The following SLC9A8 variants were observed in gnomAD, a reference collection of about 807,000 sequenced individuals.
SLC9A8 encodes solute carrier family 9 member A8.
A neutral mutation model predicts 66.6 loss-of-function variants in SLC9A8; 48 were observed. The observed-to-expected ratio is 0.72, with a 90% confidence interval of 0.57 to 0.92. The LOEUF is 0.92. Among genes scored for constraint, SLC9A8 ranks in the 40% least tolerant of loss-of-function variants. The pLI is 0.00. For synonymous variants in SLC9A8, 274 were observed against 282.6 expected, an observed-to-expected ratio of 0.97 and a Z score of 0.31; for missense variants, 599 against 747.3, an observed-to-expected ratio of 0.80 and a Z score of 2.31.
rs114917590 is a variant in SLC9A8, at chr20:49,838,696, G to A, written c.290-845G>A. 7.5e-3 allele frequency among the ~76,000 whole-genome samples: 1,143 copies of A among 152,238 alleles called. 13 individuals carry two copies. The highest frequency in any genetic ancestry group is 0.026 in the African/African-American group (1,088 of 41,520). ...ATGGCGAAAGCTCCTTCCTCCATGG[G>A]AAAGTGAAGTCTTCGTTTTGAAGCA... On this transcript the variant is annotated intron_variant, in intron 3 of 15. Transcript: ENST00000361573.
rs1271704459 is a variant in SLC9A8, at chr20:49,816,016, CCTCTGT to C, written c.208+829_208+834del. On this transcript the variant is annotated intron_variant, in intron 2 of 15. Coordinates refer to ENST00000361573, the MANE Select transcript of SLC9A8 (RefSeq NM_015266.3). ...TGCCCCAGCACCCTGTTTTCCTTAA[CCTCTGT>C]CATTCTCATTAACCATGGTCATGAC... is the stretch of plus-strand genomic sequence containing the variant. 3.8e-4 allele frequency among the ~76,000 whole-genome samples: 58 copies of C among 152,322 alleles called. No individual in the cohort carries two copies. In the South Asian group the frequency reaches 9.9e-3, roughly 26 times the overall value.
chr20:49,873,539 A>C (rs980174910), intron 10 of SLC9A8, among the ~76,000 whole-genome samples: 89 of 151,096 alleles, frequency 5.9e-4, no homozygotes, highest in African/African-American at 2.1e-3. Context: ...TAATCCCAGC[A>C]CATTGGCACA....
At chr20:49,823,025 T>C in intron 2 of SLC9A8, 36 bp from the exon 3 acceptor site, 4 of 1,560,586 alleles carry the variant, frequency 2.6e-6, no homozygotes, top group Non-Finnish European at 3.5e-6. Flanking sequence ...AATTGAGTGT[T>C]TTTTTTAAAA....
chr20:49,866,192 C>T (rs567380654), intron 10 of SLC9A8, among the ~76,000 whole-genome samples: 44 of 152,298 alleles, frequency 2.9e-4, no homozygotes, highest in African/African-American at 7.9e-4. Context: ...TCATGTGGTA[C>T]GTAGTCTTTT....
At chr20:49,812,984 G>A in intron 1 of SLC9A8, 36 bp downstream of exon 1, 2 of 1,380,534 alleles carry the variant, frequency 1.4e-6, no homozygotes, top group South Asian at 3.1e-5. Context: ...GGAGGCGGCG[G>A]GGCTGGGCCC....
At position 49,887,034 on chromosome 20, in the gene SLC9A8, C is replaced by A. The variant is rs1407480756; in HGVS notation, c.1638+136C>A. On this transcript the variant is annotated intron_variant, in intron 15 of 15. Coordinates refer to ENST00000361573, the MANE Select transcript of SLC9A8 (RefSeq NM_015266.3). ...GTGGGCCCGCCAGGCCGCCGCCTCC[C>A]GATCTGGAGGCTGGACGTGCTTGTG... 4.4e-6 allele frequency: 4 copies of A among 906,724 alleles called. 1 individual carries two copies. In the South Asian group the frequency reaches 7.1e-5, roughly 16 times the overall value. The allele number at this position is 906,724 out of a possible 1,614,324, so 56.2% of individuals were successfully genotyped here. A position where few individuals can be genotyped will look rare whatever the true frequency, so the allele number is the denominator to read the frequency against.
At chr20:49,829,209 C>G (rs1387337882) in intron 3 of SLC9A8, 1 of 152,188 alleles carries the variant, frequency 6.6e-6, no homozygotes, top group African/African-American at 2.4e-5. Context: ...GATCGTTAAT[C>G]CACCGAAGGA....
Position 49,883,954 on chromosome 20 carries a change from TC to T in SLC9A8, c.1381del (p.Leu461CysfsTer75). ...ACCATCGTCATCGTGCTCTTCACCA[TC>T]CTGCTGCTGGGCGGCAGCACCATGC... ...TTTIVIVLFT[I>X]LLLGGSTMPL... On this transcript the variant is annotated frameshift_variant, in exon 14 of 16. Coordinates refer to ENST00000361573, the MANE Select transcript of SLC9A8 (RefSeq NM_015266.3). LOFTEE classifies it high-confidence loss of function. 6.2e-7 allele frequency: 1 copy of T among 1,613,052 alleles called. No individual in the cohort carries two copies. The highest frequency in any genetic ancestry group is 8.5e-7 in the Non-Finnish European group (1 of 1,179,958).
At position 49,878,001 on chromosome 20, in the gene SLC9A8, C is replaced by T. The variant is rs1200117715; in HGVS notation, c.1096C>T (p.Leu366Phe). The T allele has an allele frequency of 6.2e-7, 1 of 1,602,910 alleles. No homozygotes were observed. Among genetic ancestry groups the T allele is most frequent in the South Asian group, 1.1e-5 (1 of 88,086 alleles). ...FLCETCVFAF[L>F]GLSIFSFPHK... ...TTCAGAAACATGTGTGTTTGCATTT[C>T]TTGGCCTGTCCATTTTTAGTTTTCC... is the stretch of plus-strand genomic sequence containing the variant. Residue 366 changes from leucine (L) to phenylalanine (F), a missense_variant, in exon 12 of 16, where the codon CTT (leucine) becomes TTT (phenylalanine). This residue lies in a region of SLC9A8 where 467 missense variants were observed against 626.5 expected (regional missense o/e 0.75). Transcript: ENST00000361573.
rs544211420 is a variant in SLC9A8, at chr20:49,862,819, TA to T, written c.714-109del. On this transcript the variant is annotated intron_variant, in intron 8 of 15. Coordinates refer to ENST00000361573, the MANE Select transcript of SLC9A8 (RefSeq NM_015266.3). ...GTTTGGCTGACTGAATGAATGATGG[TA>T]TGAATGAATGAATGAATGAGCGAAT... 838 of 759,648 alleles carry T rather than the reference TA, an allele frequency of 1.1e-3. 8 individuals carry two copies. In the African/African-American group the frequency reaches 0.014, roughly 13 times the overall value. 47.1% of individuals were successfully genotyped at this position (759,648 alleles called of 1,614,324 possible).
rs759392676 is a variant in SLC9A8 at position 49,887,894 on chromosome 20, G to C, written c.1704G>C (p.Gln568His). 1 of 1,613,826 alleles carries C rather than the reference G, an allele frequency of 6.2e-7. No homozygotes were observed. The highest frequency in any genetic ancestry group is 2.2e-5 in the East Asian group (1 of 44,882). The change falls in exon 16 of 16, where the codon CAG (glutamine) becomes CAC (histidine). Residue 568 changes from glutamine to histidine, a missense_variant. Gln to His is a conservative substitution (Grantham distance 24, BLOSUM62 0). Around this residue, in one of 2 missense-constraint regions of SLC9A8, gnomAD observed 467 missense variants for 626.5 expected, o/e 0.75. Transcript: ENST00000361573. Reference sequence around the variant, plus strand: ...ACAAGTGGTACGAGGAGGTACGCCAGGGCCCCTCCGGCTCCGAGGACGACG... The same window carrying C: ...ACAAGTGGTACGAGGAGGTACGCCACGGCCCCTCCGGCTCCGAGGACGACG... ...LTNKWYEEVR[Q>H]GPSGSEDDEQ...
intron 1 of SLC9A8, 85 bp downstream of exon 1, chr20:49,813,033 C>A: frequency 2.5e-6 from 3 of 1,213,200 alleles, no homozygotes; most frequent in Non-Finnish European, 3.2e-6. Context: ...GCCCTCCGGC[C>A]CCGGAAGGCG....
rs2090017194 is a variant in SLC9A8, at chr20:49,890,544, A to AC, written c.*2609dup. On this transcript the variant is annotated 3_prime_UTR_variant, in exon 16 of 16. Coordinates refer to ENST00000361573, the MANE Select transcript of SLC9A8 (RefSeq NM_015266.3). ...CCCTTTAGCCAGCAGCCCCTCCACC[A>AC]CAGGCACTGCTGTGTGGAACGAGTT... 2.0e-5 allele frequency: 3 copies of AC among 152,286 alleles called. No homozygotes were observed. Among genetic ancestry groups the AC allele is most frequent in the Middle Eastern group, 3.4e-3 (1 of 294 alleles). The allele number at this position is 152,286 out of a possible 1,614,324, so 9.4% of individuals were successfully genotyped here. A position where few individuals can be genotyped will look rare whatever the true frequency, so the allele number is the denominator to read the frequency against.
At chr20:49,813,272 C>G (rs1185989837) in intron 1 of SLC9A8, among the ~76,000 whole-genome samples, 1 of 152,182 alleles carries the variant, frequency 6.6e-6, no homozygotes, top group Non-Finnish European at 1.5e-5. Context: ...CTTCCGCCTC[C>G]TCCAGGAAGT....
At chr20:49,830,265 G>A (rs2146506441) in intron 3 of SLC9A8, 4 of 1,098,500 alleles carry the variant, frequency 3.6e-6, no homozygotes, top group Non-Finnish European at 5.6e-6. Context: ...CATGAGAAGT[G>A]GAATCGTCTC....
At chr20:49,849,713 T>G in intron 6 of SLC9A8, 33 bp downstream of exon 6, 1 of 1,514,334 alleles carries the variant, frequency 6.6e-7, no homozygotes, top group Non-Finnish European at 9.2e-7. Flanking sequence ...ACTTTGAAAG[T>G]CTTACATTCT....
intron 3 of SLC9A8, chr20:49,831,045 C>T: frequency 1.4e-6 from 1 of 724,902 alleles, no homozygotes; most frequent in Non-Finnish European, 2.6e-6. Context: ...CTGGACCAGT[C>T]CAACAATATG....
In SLC9A8 at chr20:49,884,039, C is replaced by T. The variant is rs767045779; in HGVS notation, c.1464C>T (p.Asp488=). The change falls in exon 14 of 16, where the codon GAC becomes GAT. Residue 488 remains aspartate, a synonymous_variant. Coordinates refer to ENST00000361573, the MANE Select transcript of SLC9A8 (RefSeq NM_015266.3). ...AGGCACACCGCAGGAACAAGAAGGA[C>T]GTCAACCTCAGCAAGACTGAGAAGA... The part of the protein sequence containing the change: ...DAKAHRRNKK[D]VNLSKTEKMG... 20 of 1,613,562 alleles carry T rather than the reference C, an allele frequency of 1.2e-5. No individual in the cohort carries two copies. The highest frequency in any genetic ancestry group is 1.4e-5 in the Non-Finnish European group (17 of 1,180,006).
intron 1 of SLC9A8, among the ~76,000 whole-genome samples, chr20:49,813,270 T>TC (rs897741365): frequency 1.3e-5 from 2 of 152,316 alleles, no homozygotes; most frequent in South Asian, 4.1e-4. Flanking sequence ...CTCTTCCGCC[T>TC]CCTCCAGGAA....
Sources: allele counts gnomAD v4.1 joint callset (sites outside exome capture counted in the v4.1 genomes callset), GRCh38; gene constraint gnomAD v4.1.1; regional missense constraint gnomAD v4.1.1; transcripts MANE v1.5; gene names NCBI Gene and HGNC (gene_info 2026-07-23, HGNC 2026-07-21).